Variants in IGFBP7 observed in about 807,000 individuals in gnomAD.
The protein encoded by IGFBP7 is insulin-like growth factor-binding protein 7.
A neutral mutation model predicts 29.4 loss-of-function variants in IGFBP7; 31 were observed. The observed-to-expected ratio is 1.05, with a 90% CI of 0.79 to 1.42. The LOEUF is 1.42. IGFBP7 is among the 40% of genes most tolerant of loss of function. IGFBP7 has a pLI of 0.00. For synonymous variants in IGFBP7, 172 were observed against 174.9 expected (o/e 0.98, Z 0.13); for missense variants, 393 against 395.5 (o/e 0.99, Z 0.05).
At chr4:57,109,775 G>A (rs968161613) in intron 1 of IGFBP7, 102 bp downstream of exon 1, 2 of 1,333,212 alleles carry the variant, frequency 1.5e-6, no homozygotes, top group African/African-American at 1.5e-5. Context: ...CGGGGGAATC[G>A]CAGTGAGCAG....
intron 1 of IGFBP7, among the ~76,000 whole-genome samples, chr4:57,064,532 T>C (rs1231306754): frequency 6.6e-6 from 1 of 152,238 alleles, no homozygotes; most frequent in Non-Finnish European, 1.5e-5. Flanking sequence ...TTTCCCAACA[T>C]GAAGAAACTG....
chr4:57,088,017 G>A lies in IGFBP7; in HGVS notation c.475+21860C>T, dbSNP rs1267929732. ...AGGGCTTTGCTTTGTCACCCAGGCT[G>A]GAGTGCAGTGGCACAATCACGGCTC... On this transcript the variant is annotated intron_variant, in intron 1 of 4. Transcript: ENST00000295666. 2.0e-5 allele frequency among the ~76,000 whole-genome samples: 3 copies of A among 152,184 alleles called. No homozygotes were observed. The South Asian group carries it at 6.2e-4, about 32-fold the overall frequency.
intron 1 of IGFBP7, among the ~76,000 whole-genome samples, chr4:57,106,703 A>G (rs1168464919): frequency 1.3e-5 from 2 of 152,224 alleles, no homozygotes; most frequent in Non-Finnish European, 2.9e-5. Context: ...AATGAGACCA[A>G]AGCGGCTGAA....
chr4:57,032,459 C>A lies in IGFBP7; in HGVS notation c.796G>T (p.Val266Phe). The change falls in exon 4 of 5, where the codon GTT becomes TTT. Residue 266 changes from valine to phenylalanine, a missense_variant. Coordinates refer to ENST00000295666, the MANE Select transcript of IGFBP7 (RefSeq NM_001553.3). ...ACTGGTATTTCATGTAAGGCATCAA[C>A]CACTGTAATTTTTGCTGATGCTGAA... ...QASASAKITV[V>F]DALHEIPVKK... 6.2e-7 allele frequency: 1 copy of A among 1,613,806 alleles called. No individual in the cohort carries two copies. Among genetic ancestry groups the A allele is most frequent in the Non-Finnish European group, 8.5e-7 (1 of 1,179,710 alleles).
chr4:57,102,068 A>G (rs1049766843), intron 1 of IGFBP7, among the ~76,000 whole-genome samples: 2 of 152,234 alleles, frequency 1.3e-5, no homozygotes, highest in Non-Finnish European at 1.5e-5. Flanking sequence ...TTGTCTAACA[A>G]TGAAAAACAC....
At chr4:57,071,243 C>G (rs1725046332) in intron 1 of IGFBP7, among the ~76,000 whole-genome samples, 1 of 152,310 alleles carries the variant, frequency 6.6e-6, no homozygotes, top group East Asian at 1.9e-4. Context: ...AAAGAATGTT[C>G]CTCCTGCTGC....
intron 1 of IGFBP7, among the ~76,000 whole-genome samples, chr4:57,066,343 G>T (rs889844474): frequency 6.6e-6 from 1 of 152,118 alleles, no homozygotes; most frequent in African/African-American, 2.4e-5. Flanking sequence ...CCTGACAACG[G>T]CCATGTGAGT....
intron 1 of IGFBP7, among the ~76,000 whole-genome samples, chr4:57,061,128 A>G (rs1578624769): frequency 1.3e-5 from 2 of 152,240 alleles, no homozygotes; most frequent in East Asian, 3.9e-4. Flanking sequence ...CTTTCAGGCA[A>G]GGGGATCAGT....
chr4:57,056,452 A>G (rs1350487677), intron 1 of IGFBP7, among the ~76,000 whole-genome samples: 1 of 152,114 alleles, frequency 6.6e-6, no homozygotes, highest in Non-Finnish European at 1.5e-5. Context: ...TCTGAGTGCT[A>G]AGAGGAATTG....
intron 1 of IGFBP7, among the ~76,000 whole-genome samples, chr4:57,089,300 T>C (rs544995723): frequency 6.6e-6 from 1 of 152,308 alleles, no homozygotes; most frequent in Non-Finnish European, 1.5e-5. Flanking sequence ...CAATTATAAC[T>C]TTTTCTGTTT....
chr4:57,033,292 C>G lies in IGFBP7; in HGVS notation c.605G>C (p.Gly202Ala). 6.2e-7 allele frequency: 1 copy of G among 1,613,350 alleles called. No homozygotes were observed. The highest frequency in any genetic ancestry group is 1.3e-5 in the African/African-American group (1 of 74,972). Residue 202 changes from glycine to alanine, a missense_variant, in exon 3 of 5, where the codon GGA (glycine) becomes GCA (alanine). By Grantham distance (60) the Gly-to-Ala change is moderately conservative. Transcript: ENST00000295666. ...IWNKVKRGHY[G>A]VQRTELLPGD... ...AGGCAGGAGTTCTGTCCTTTGAACT[C>G]CATAGTGACCCCTTTTTACCTGCAA... is the stretch of plus-strand genomic sequence containing the variant.
intron 1 of IGFBP7, among the ~76,000 whole-genome samples, chr4:57,045,076 T>C (rs1724326799): frequency 6.6e-6 from 1 of 152,202 alleles, no homozygotes; most frequent in Non-Finnish European, 1.5e-5. Flanking sequence ...GGGGATTCAA[T>C]ATTAGGACAA....
At chr4:57,103,862 T>C (rs1000164998) in intron 1 of IGFBP7, among the ~76,000 whole-genome samples, 5 of 151,932 alleles carry the variant, frequency 3.3e-5, no homozygotes, top group African/African-American at 1.2e-4. Context: ...GGTCTCACTA[T>C]GTTGCCCAGG....
chr4:57,040,737 G>T, intron 2 of IGFBP7, 87 bp downstream of exon 2: 2 of 977,204 alleles, frequency 2.0e-6, no homozygotes, highest in Non-Finnish European at 3.2e-6. Context: ...CAACAAAGCA[G>T]GCTGAGGATT....
intron 1 of IGFBP7, among the ~76,000 whole-genome samples, chr4:57,074,763 C>A (rs1725180135): frequency 6.6e-6 from 1 of 152,208 alleles, no homozygotes; most frequent in Non-Finnish European, 1.5e-5. Flanking sequence ...ATACAGCACC[C>A]AACTAAAACA....
intron 1 of IGFBP7, among the ~76,000 whole-genome samples, chr4:57,077,557 C>T (rs1050892606): frequency 1.6e-4 from 25 of 152,164 alleles, no homozygotes; most frequent in African/African-American, 5.1e-4. Flanking sequence ...GGGTTACAGT[C>T]GTGAGCCACC....
At chr4:57,075,173 A>C (rs1725191606) in intron 1 of IGFBP7, among the ~76,000 whole-genome samples, 1 of 152,234 alleles carries the variant, frequency 6.6e-6, no homozygotes, top group Non-Finnish European at 1.5e-5. Flanking sequence ...AAATGAGTAT[A>C]GCTTTGGAAA....
chr4:57,088,789 G>A (rs7660034), intron 1 of IGFBP7, among the ~76,000 whole-genome samples: 88,776 of 151,822 alleles, frequency 0.58, 28,187 homozygotes, highest in Admixed American at 0.73. Context: ...AGCATTTTGG[G>A]AGGTCAAGGC....
chr4:57,090,857 A>AG (rs1230286389), intron 1 of IGFBP7, among the ~76,000 whole-genome samples: 1 of 152,212 alleles, frequency 6.6e-6, no homozygotes, highest in Non-Finnish European at 1.5e-5. Flanking sequence ...TCTCAAAAAA[A>AG]CAAAACAAAA....
Sources: gnomAD v4.1 joint callset for allele counts (sites outside exome capture counted in the v4.1 genomes callset) on GRCh38, gnomAD v4.1.1 for gene constraint, MANE v1.5 for transcripts, NCBI Gene and HGNC (gene_info 2026-07-23, HGNC 2026-07-21) for gene names.